KATNIP: variants seen among roughly 807,000 people sequenced by gnomAD.
KATNIP encodes the protein katanin-interacting protein.
A neutral mutation model predicts 174.0 loss-of-function variants in KATNIP; 126 were observed. That is an observed-to-expected ratio of 0.72 (90% CI 0.63 to 0.84). The LOEUF (loss-of-function observed/expected upper bound fraction) is 0.84, where lower values mean the gene tolerates loss of function less well. KATNIP is among the 40% of genes least tolerant of loss of function. The probability of loss-of-function intolerance (pLI) is 0.00; values close to 1 mark genes in which losing one functional copy is unlikely to be tolerated. For synonymous variants in KATNIP, 810 were observed against 835.7 expected (o/e 0.97, Z 0.53); for missense variants, 1,958 against 2,109.7 (o/e 0.93, Z 1.41).
At position 27,580,312 on chromosome 16, in the gene KATNIP, C is replaced by T. The variant is rs148655833; in HGVS notation, c.63+6356C>T. Among the ~76,000 whole-genome samples the T allele has an allele frequency of 3.2e-3, 482 of 152,242 alleles. 12 individuals are homozygous for T. Among genetic ancestry groups the T allele is most frequent in the Admixed American group, 0.022 (333 of 15,296 alleles). On this transcript the variant is annotated intron_variant, in intron 2 of 27. Transcript: ENST00000261588. ...ATTTTTTGTAGAAACAGGGTTTTGC[C>T]GTGTTGCCCAGGTTGATCTTGAACT...
At chr16:27,670,677 C>G (rs1211544022) in intron 6 of KATNIP, among the ~76,000 whole-genome samples, 1 of 152,146 alleles carries the variant, frequency 6.6e-6, no homozygotes, top group Non-Finnish European at 1.5e-5. Context: ...GATGATTTTT[C>G]CAGGCAGCTG....
intron 2 of KATNIP, among the ~76,000 whole-genome samples, chr16:27,593,300 G>T (rs772983974): frequency 5.8e-5 from 8 of 139,110 alleles, no homozygotes; most frequent in Non-Finnish European, 9.0e-5. Context: ...GCGCAATGGC[G>T]CAATCTCAGC....
At position 27,751,771 on chromosome 16, in the gene KATNIP, C is replaced by T. The variant is rs371396098; in HGVS notation, c.3399C>T (p.Leu1133=). 14 of 1,614,102 alleles carry T rather than the reference C, an allele frequency of 8.7e-6. No homozygotes were observed. The highest frequency in any genetic ancestry group is 8.0e-5 in the African/African-American group (6 of 74,928). ...TATTCACAACCGATGATGACATTCT[C>T]GAGGCCATATTCTATTCTGATGAGA... The part of the protein sequence containing the change: ...TILFTTDDDI[L]EAIFYSDEMF... The change falls in exon 17 of 28, where the codon CTC becomes CTT. Residue 1133 remains leucine, a synonymous_variant. Transcript: ENST00000261588.
chr16:27,703,952 T>G lies in KATNIP; in HGVS notation c.1343T>G (p.Leu448Arg), dbSNP rs752652153. ...LQAVESDSAH[L>R]GRVVSPTKEQ... The stretch of plus-strand genomic sequence containing the variant: ...GCCGTCGAAAGTGACTCTGCCCATC[T>G]CGGCAGGGTGGTTTCACCAACCAAG... Residue 448 changes from leucine (L) to arginine (R), a missense_variant, in exon 12 of 28, where the codon CTC becomes CGC. By Grantham distance (102) the Leu-to-Arg change is moderately radical. This residue lies in a region of KATNIP where 1,557 missense variants were observed against 1,617.8 expected (regional missense o/e 0.96). Transcript: ENST00000261588. 1.3e-5 allele frequency: 21 copies of G among 1,614,230 alleles called. No homozygotes were observed. The highest frequency in any genetic ancestry group is 1.8e-5 in the Non-Finnish European group (21 of 1,180,034).
intron 24 of KATNIP, among the ~76,000 whole-genome samples, chr16:27,775,410 G>T (rs556770010): frequency 3.7e-4 from 56 of 152,332 alleles, no homozygotes; most frequent in African/African-American, 1.2e-3. Context: ...TCTCTGCTCT[G>T]CCTGGCTTTG....
rs530851894 is a variant in KATNIP at position 27,604,939 on chromosome 16, T to C, written c.64-13486T>C. Among the ~76,000 whole-genome samples the C allele has an allele frequency of 5.9e-5, 9 of 152,338 alleles. No individual in the cohort carries two copies. The South Asian group carries it at 1.9e-3, about 32-fold the overall frequency. ...TCATTCAAGTTTTGTTGTTGTTGTT[T>C]GGTTTTTGAGATGGAGTCTCGTTCT... On this transcript the variant is annotated intron_variant, in intron 2 of 27. Coordinates refer to ENST00000261588, the MANE Select transcript of KATNIP (RefSeq NM_015202.5).
At chr16:27,745,131 AGTT>A (rs1221052749) in intron 15 of KATNIP, among the ~76,000 whole-genome samples, 1 of 152,164 alleles carries the variant, frequency 6.6e-6, no homozygotes, top group Non-Finnish European at 1.5e-5. Context: ...ATCAGGGGTC[AGTT>A]GTTTACAGGT....
At chr16:27,707,471 C>T (rs528823590) in intron 12 of KATNIP, among the ~76,000 whole-genome samples, 2 of 152,286 alleles carry the variant, frequency 1.3e-5, no homozygotes, top group East Asian at 1.9e-4. Flanking sequence ...CACCCAGGGC[C>T]GAGGCTCATG....
intron 5 of KATNIP, among the ~76,000 whole-genome samples, chr16:27,635,082 T>A (rs575723008): frequency 1.3e-5 from 2 of 152,286 alleles, no homozygotes; most frequent in East Asian, 3.9e-4. Context: ...TCAAACTGGC[T>A]AGCGTGAGTT....
chr16:27,564,439 T>C (rs1362879102), intron 1 of KATNIP, among the ~76,000 whole-genome samples: 1 of 152,068 alleles, frequency 6.6e-6, no homozygotes, highest in Non-Finnish European at 1.5e-5. Context: ...GAAGAACACA[T>C]GGCTAAGCAT....
At chr16:27,703,317 C>G (rs931400355) in intron 11 of KATNIP, among the ~76,000 whole-genome samples, 3 of 152,112 alleles carry the variant, frequency 2.0e-5, no homozygotes, top group African/African-American at 7.2e-5. Context: ...GGTACCCAGC[C>G]TTAAACTGCA....
chr16:27,714,512 T>C (rs1271426977), intron 13 of KATNIP, among the ~76,000 whole-genome samples: 1 of 152,126 alleles, frequency 6.6e-6, no homozygotes, highest in Admixed American at 6.6e-5. Context: ...ATAGAGAAAG[T>C]CAATGAAATC....
rs147480631 is a variant in KATNIP, at chr16:27,695,083, T to G, written c.941-3245T>G. On this transcript the variant is annotated intron_variant, in intron 8 of 27. Transcript: ENST00000261588. ...CATCCACAGCTGGACTGTTAGGAAGTCCTATTGGCTCTGTCTCTGGCAGAT... is the reference window on the plus strand; with the variant it reads ...CATCCACAGCTGGACTGTTAGGAAGGCCTATTGGCTCTGTCTCTGGCAGAT... Among the ~76,000 whole-genome samples the G allele has an allele frequency of 9.6e-4, 146 of 152,304 alleles. 1 individual carries two copies. The highest frequency in any genetic ancestry group is 2.5e-3 in the African/African-American group (104 of 41,568).
chr16:27,565,407 A>G (rs1408471933), intron 1 of KATNIP, among the ~76,000 whole-genome samples: 2 of 151,000 alleles, frequency 1.3e-5, no homozygotes, highest in Admixed American at 1.3e-4. Context: ...CAGAGGTTGC[A>G]GTGAGGCGAG....
intron 6 of KATNIP, among the ~76,000 whole-genome samples, chr16:27,655,035 C>T (rs187888324): frequency 2.0e-5 from 3 of 150,950 alleles, no homozygotes; most frequent in African/African-American, 4.9e-5. Context: ...AAACTGAGGC[C>T]GGAGGATCAC....
intron 3 of KATNIP, among the ~76,000 whole-genome samples, chr16:27,626,634 CTCCTTA>C (rs1392647279): frequency 6.6e-6 from 1 of 152,100 alleles, no homozygotes; most frequent in Admixed American, 6.6e-5. Flanking sequence ...ATGCCTTATA[CTCCTTA>C]TCTACTAAAT....
intron 2 of KATNIP, among the ~76,000 whole-genome samples, chr16:27,581,624 C>A (rs4787975): frequency 0.84 from 127,362 of 152,148 alleles, 53,464 homozygotes; most frequent in East Asian, 1. Context: ...TGGGGGGAAC[C>A]GGTGGTATTT....
At chr16:27,639,424 C>T (rs941731164) in intron 5 of KATNIP, among the ~76,000 whole-genome samples, 13 of 152,352 alleles carry the variant, frequency 8.5e-5, no homozygotes, top group African/African-American at 3.1e-4. Flanking sequence ...GCTTCCTCAG[C>T]CTTGTAATAC....
At chr16:27,643,269 C>A (rs929605213) in intron 5 of KATNIP, 2 of 152,280 alleles carry the variant, frequency 1.3e-5, no homozygotes, top group African/African-American at 4.8e-5. Flanking sequence ...ACCCTTGTGA[C>A]TCAGTTTCCC....
Sources: gnomAD v4.1 joint callset for allele counts (sites outside exome capture counted in the v4.1 genomes callset) on GRCh38, gnomAD v4.1.1 for gene constraint, gnomAD v4.1.1 regional missense constraint, MANE v1.5 for transcripts, NCBI Gene and HGNC (gene_info 2026-07-23, HGNC 2026-07-21) for gene names.